Variants in EIF2AK4 observed in about 807,000 individuals in gnomAD.
EIF2AK4 encodes eukaryotic translation initiation factor 2 alpha kinase 4, also known as eIF-2-alpha kinase GCN2.
In EIF2AK4, 139 loss-of-function variants were observed where a neutral mutation model predicts 211.1. That is an observed-to-expected ratio of 0.66 (90% CI 0.57 to 0.76). The LOEUF (loss-of-function observed/expected upper bound fraction) is 0.76. Ranked by LOEUF, EIF2AK4 falls within the 30% of genes least tolerant of loss-of-function variation. EIF2AK4 has a pLI of 0.00. For synonymous variants in EIF2AK4, 710 were observed against 751.3 expected (o/e 0.94, Z 0.90); for missense variants, 1,664 against 2,043.8 (o/e 0.81, Z 3.58).
chr15:40,013,382 G>C (rs2140940874), intron 27 of EIF2AK4, among the ~76,000 whole-genome samples: 1 of 152,076 alleles, frequency 6.6e-6, no homozygotes, highest in African/African-American at 2.4e-5. Context: ...CCCTCTATTA[G>C]TCTGCTGTCA....
At position 39,967,490 on chromosome 15, in the gene EIF2AK4, T is replaced by G; in HGVS notation, c.1164T>G (p.Ala388=). 6.2e-7 allele frequency: 1 copy of G among 1,614,158 alleles called. No homozygotes were observed. Among genetic ancestry groups the G allele is most frequent in the Non-Finnish European group, 8.5e-7 (1 of 1,180,036 alleles). Residue 388 remains alanine, a synonymous_variant, in exon 9 of 39, where the codon GCT becomes GCG. Coordinates refer to ENST00000263791, the MANE Select transcript of EIF2AK4 (RefSeq NM_001013703.4). ...LVEHISGVSL[A]AHLSHSGPIP... ...AGCACATTAGTGGGGTCTCTCTTGC[T>G]GCACACCTGAGCCACTCAGGCCCCA...
Position 40,023,076 on chromosome 15 carries a change from T to G in EIF2AK4, c.4389+471T>G, listed in dbSNP as rs58485482. Reference sequence around the variant, plus strand: ...AATGTGTATAAAATAAGGAAGAGAGTCCACCTTCATTAAAGCTTTAAAAAG... The same window carrying G: ...AATGTGTATAAAATAAGGAAGAGAGGCCACCTTCATTAAAGCTTTAAAAAG... On this transcript the variant is annotated intron_variant, in intron 32 of 38. Transcript: ENST00000263791. Among the ~76,000 whole-genome samples the G allele has an allele frequency of 4.3e-3, 649 of 152,092 alleles. 9 individuals carry two copies. The highest frequency in any genetic ancestry group is 0.014 in the African/African-American group (595 of 41,490).
chr15:40,001,339 G>A (rs1229153797), intron 21 of EIF2AK4, 115 bp downstream of exon 21: 1 of 1,049,142 alleles, frequency 9.5e-7, no homozygotes, highest in Non-Finnish European at 1.4e-6. Context: ...TGAGGTATTG[G>A]AAGCCCCTAA....
At chr15:40,026,213 G>A in intron 33 of EIF2AK4, 124 bp downstream of exon 33, 2 of 812,008 alleles carry the variant, frequency 2.5e-6, no homozygotes, top group South Asian at 1.8e-5. Flanking sequence ...CCAGCACTTT[G>A]GGAGGCCAAG....
intron 2 of EIF2AK4, among the ~76,000 whole-genome samples, chr15:39,940,799 A>G (rs1481650914): frequency 6.6e-6 from 1 of 152,064 alleles, no homozygotes; most frequent in Non-Finnish European, 1.5e-5. Flanking sequence ...CCCACAGATT[A>G]AGGACCCAGT....
chr15:39,937,105 G>GCCAAA (rs2034075998), intron 1 of EIF2AK4, among the ~76,000 whole-genome samples: 1 of 152,108 alleles, frequency 6.6e-6, no homozygotes, highest in Non-Finnish European at 1.5e-5. Context: ...ATAATTTATA[G>GCCAAA]ATAGTTACAA....
chr15:39,934,883 A>G (rs992297298), intron 1 of EIF2AK4, among the ~76,000 whole-genome samples: 2 of 152,110 alleles, frequency 1.3e-5, no homozygotes, highest in African/African-American at 4.8e-5. Flanking sequence ...ATACCTCTGC[A>G]CCTTCCTCTA....
chr15:39,936,411 T>G (rs1046422834), intron 1 of EIF2AK4, among the ~76,000 whole-genome samples: 6 of 152,126 alleles, frequency 3.9e-5, no homozygotes, highest in Non-Finnish European at 8.8e-5. Context: ...TCCAAAATCC[T>G]TTATCCAAAA....
At chr15:39,973,464 C>T (rs752427607) in intron 10 of EIF2AK4, 128 bp from the exon 11 acceptor site, 9 of 968,820 alleles carry the variant, frequency 9.3e-6, no homozygotes, top group Non-Finnish European at 1.4e-5. Context: ...AAAGGCCACT[C>T]AGGTAAGAGG....
chr15:39,974,769 T>C (rs951248557), intron 11 of EIF2AK4: 8 of 152,200 alleles, frequency 5.3e-5, no homozygotes, highest in African/African-American at 1.9e-4. Context: ...TCTGAGTAAC[T>C]TAAGCCCCCA....
chr15:40,029,016 G>A (rs1354756074), intron 33 of EIF2AK4, among the ~76,000 whole-genome samples: 1 of 152,104 alleles, frequency 6.6e-6, no homozygotes, highest in Non-Finnish European at 1.5e-5. Flanking sequence ...TTCTCCTGTG[G>A]GTGGTTGCCA....
At position 39,972,986 on chromosome 15, in the gene EIF2AK4, A is replaced by G. The variant is rs1435489306; in HGVS notation, c.1632A>G (p.Lys544=). The change falls in exon 10 of 39, where the codon AAA becomes AAG. Residue 544 remains lysine (K), a synonymous_variant. Transcript: ENST00000263791. ...LKHSFINPQP[K]MPLVEQSPED... Reference sequence around the variant, plus strand: ...ACAGCTTTATAAATCCCCAGCCAAAAATGCCTCTAGTGGAACAAAGTCCTG... The same window carrying G: ...ACAGCTTTATAAATCCCCAGCCAAAGATGCCTCTAGTGGAACAAAGTCCTG... The G allele has an allele frequency of 6.2e-7, 1 of 1,614,076 alleles. No homozygotes were observed. The highest frequency in any genetic ancestry group is 1.1e-5 in the South Asian group (1 of 91,072).
chr15:40,014,293 A>G (rs1311271927), intron 27 of EIF2AK4, among the ~76,000 whole-genome samples: 1 of 152,226 alleles, frequency 6.6e-6, no homozygotes, highest in African/African-American at 2.4e-5. Flanking sequence ...TCCCTTCTGC[A>G]CTGCCCTAGC....
chr15:40,030,899 G>C (rs2035533607), intron 35 of EIF2AK4, among the ~76,000 whole-genome samples: 1 of 152,184 alleles, frequency 6.6e-6, no homozygotes, highest in Non-Finnish European at 1.5e-5. Flanking sequence ...GTCCTCAAAA[G>C]AGTTTATAAC....
At chr15:39,953,786 C>T (rs978875781) in intron 4 of EIF2AK4, 118 bp from the exon 5 acceptor site, 2 of 975,086 alleles carry the variant, frequency 2.1e-6, no homozygotes, top group Non-Finnish European at 3.0e-6. Flanking sequence ...GTTTTCAGAT[C>T]TCTTAGGAAG....
At chr15:40,031,866 T>C (rs2035548596) in intron 35 of EIF2AK4, among the ~76,000 whole-genome samples, 1 of 152,046 alleles carries the variant, frequency 6.6e-6, no homozygotes, top group Non-Finnish European at 1.5e-5. Context: ...GCTAGTATTA[T>C]AAGCGCCGGC....
intron 18 of EIF2AK4, among the ~76,000 whole-genome samples, chr15:39,995,708 T>A (rs997617454): frequency 2.0e-5 from 3 of 152,170 alleles, no homozygotes; most frequent in African/African-American, 7.2e-5. Context: ...ATTTTTTATT[T>A]TTTTCCTAGC....
At chr15:39,944,432 C>CTTT (rs55669603) in intron 3 of EIF2AK4, among the ~76,000 whole-genome samples, 3 of 121,198 alleles carry the variant, frequency 2.5e-5, no homozygotes, top group African/African-American at 3.4e-5. Context: ...TTAACGATCT[C>CTTT]TTTTTTTTTT....
Position 40,032,898 on chromosome 15 carries a change from G to A in EIF2AK4, c.4773+97G>A, listed in dbSNP as rs146998242. On this transcript the variant is annotated intron_variant, in intron 37 of 38. Transcript: ENST00000263791. ...CTGAAGACGGCATTCATTAGTGATA[G>A]TATTTTTCTGGCAGCTGCAGGAATT... 38 of 984,362 alleles carry A rather than the reference G, an allele frequency of 3.9e-5. 1 individual carries two copies. The African/African-American group carries it at 5.9e-4, about 15-fold the overall frequency. The allele number at this position is 984,362 out of a possible 1,614,324, so 61.0% of individuals were successfully genotyped here.
Sources: gnomAD v4.1 joint callset for allele counts (sites outside exome capture counted in the v4.1 genomes callset) on GRCh38, gnomAD v4.1.1 for gene constraint, MANE v1.5 for transcripts, NCBI Gene and HGNC (gene_info 2026-07-23, HGNC 2026-07-21) for gene names.